Variants in TRPV3 observed in about 807,000 individuals in gnomAD.
TRPV3 encodes the protein VRL-3.
In TRPV3, 88 loss-of-function variants were observed where a neutral mutation model predicts 87.1. The observed-to-expected ratio is 1.01, with a 90% confidence interval of 0.85 to 1.21. TRPV3 has a LOEUF of 1.21. TRPV3 is among the 50% of genes most tolerant of loss of function. The pLI is 0.00. For missense variants in TRPV3, 1,054 were observed against 1,030.1 expected, an observed-to-expected ratio of 1.02 and a Z score of -0.32; for synonymous variants, 438 against 423.3, an observed-to-expected ratio of 1.03 and a Z score of -0.43.
rs376793 is a variant in TRPV3 at position 3,530,378 on chromosome 17, C to A, written c.1066-175G>T. 213,788 of 560,752 alleles carry A rather than the reference C, an allele frequency of 0.38. 45,115 individuals are homozygous for A. The highest frequency in any genetic ancestry group is 0.44 in the Non-Finnish European group (144,058 of 327,106). The allele number at this position is 560,752 out of a possible 1,614,324, so 34.7% of individuals were successfully genotyped here. On this transcript the variant is annotated intron_variant, in intron 8 of 17. Transcript: ENST00000576742. The surrounding 1 kb of genome is among the most constrained non-coding windows in gnomAD (Gnocchi z 4.0). ...GCCCCGTCTTTATCTGTGGAATGCG[C>A]ACAAAGCTTGCTGTTCCGCCCATCT...
At chr17:3,522,864 G>C (rs2074260936) in intron 13 of TRPV3, among the ~76,000 whole-genome samples, 1 of 151,312 alleles carries the variant, frequency 6.6e-6, no homozygotes, top group Admixed American at 6.6e-5. Context: ...GACTCAACTG[G>C]CTAAGTGGAA....
chr17:3,554,446 C>G (rs2068241278), intron 2 of TRPV3: 1 of 328,302 alleles, frequency 3.0e-6, no homozygotes, highest in African/African-American at 2.1e-5. Context: ...CATCCCTCAC[C>G]TCCCTCAGGA....
intron 11 of TRPV3, among the ~76,000 whole-genome samples, chr17:3,527,407 T>C (rs539118672): frequency 4.6e-5 from 7 of 152,200 alleles, no homozygotes; most frequent in Non-Finnish European, 8.8e-5. Context: ...TGAACACTGA[T>C]CTGAACCCAG....
Position 3,513,392 on chromosome 17 carries a change from C to A in TRPV3, c.*525G>T, listed in dbSNP as rs1006579594. The A allele has an allele frequency of 3.3e-5, 5 of 153,402 alleles. No individual in the cohort carries two copies. Among genetic ancestry groups the A allele is most frequent in the African/African-American group, 1.2e-4 (5 of 41,436 alleles). The allele number at this position is 153,402 out of a possible 1,614,324, so 9.5% of individuals were successfully genotyped here. On this transcript the variant is annotated 3_prime_UTR_variant, in exon 18 of 18. Coordinates refer to ENST00000576742, the MANE Select transcript of TRPV3 (RefSeq NM_145068.4). ...GTTTCCAGAGCGCATTCCCCTCCTC[C>A]CCCAGGATATCCAGCTTACCTCCGT...
At chr17:3,542,311 C>A (rs986786993) in intron 6 of TRPV3, among the ~76,000 whole-genome samples, 1 of 152,262 alleles carries the variant, frequency 6.6e-6, no homozygotes, top group African/African-American at 2.4e-5. Flanking sequence ...ATGCCAAAAA[C>A]AATGCCTGGC....
In TRPV3 at chr17:3,530,503, A is replaced by C. The variant is rs928718828; in HGVS notation, c.1066-300T>G. ...TTGAAATGCCTCACGCCAGCTGGGG[A>C]CCCGGTTCGGTGAAAAATCCAGGCA... On this transcript the variant is annotated intron_variant, in intron 8 of 17. Coordinates refer to ENST00000576742, the MANE Select transcript of TRPV3 (RefSeq NM_145068.4). The surrounding 1 kb of genome is among the most constrained non-coding windows in gnomAD (Gnocchi z 4.0). Among the ~76,000 whole-genome samples, 3 of 151,866 alleles carry C rather than the reference A, an allele frequency of 2.0e-5. No homozygotes were observed. Among genetic ancestry groups the C allele is most frequent in the Non-Finnish European group, 4.4e-5 (3 of 67,764 alleles).
In TRPV3 at chr17:3,532,827, T is replaced by C. The variant is rs2074361272; in HGVS notation, c.895A>G (p.Ile299Val). The change falls in exon 8 of 18, where the codon ATC becomes GTC. Residue 299 changes from isoleucine to valine, a missense_variant. Coordinates refer to ENST00000576742, the MANE Select transcript of TRPV3 (RefSeq NM_145068.4). ...GCCACGGTCACCAGGGCGTGAAGGA[T>C]GTTGTTGCCTCGTGAGTCCCGCGAG... ...ITSRDSRGNN[I>V]LHALVTVAED... 6.2e-7 allele frequency: 1 copy of C among 1,614,212 alleles called. No individual in the cohort carries two copies. Among genetic ancestry groups the C allele is most frequent in the Non-Finnish European group, 8.5e-7 (1 of 1,180,024 alleles).
chr17:3,544,135 A>G (rs2074496706), intron 4 of TRPV3, among the ~76,000 whole-genome samples: 1 of 150,608 alleles, frequency 6.6e-6, no homozygotes. Flanking sequence ...CAGCCTCCTC[A>G]GTAGCTGGGA....
chr17:3,536,247 A>C (rs1291654892), intron 6 of TRPV3, among the ~76,000 whole-genome samples: 1 of 147,502 alleles, frequency 6.8e-6, no homozygotes, highest in Non-Finnish European at 1.5e-5. Context: ...GGCTCGGTGC[A>C]TGGGTGTTTT....
intron 13 of TRPV3, among the ~76,000 whole-genome samples, chr17:3,522,320 G>A (rs556114023): frequency 3.9e-5 from 6 of 152,192 alleles, no homozygotes; most frequent in African/African-American, 7.2e-5. Context: ...ACAGTAGTCC[G>A]CCCTTCTCTT....
intron 9 of TRPV3, 74 bp from the exon 10 acceptor site, chr17:3,529,069 G>A: frequency 1.3e-6 from 2 of 1,551,420 alleles, no homozygotes; most frequent in East Asian, 2.2e-5. Flanking sequence ...AGGCCTGCGG[G>A]AGCTCTGAGT....
rs774370934 is a variant in TRPV3 at position 3,530,086 on chromosome 17, C to A, written c.1183G>T (p.Val395Leu). 1 of 1,613,952 alleles carries A rather than the reference C, an allele frequency of 6.2e-7. No homozygotes were observed. Among genetic ancestry groups the A allele is most frequent in the African/African-American group, 1.3e-5 (1 of 74,926 alleles). The part of the protein sequence containing the change: ...VSSSLYDLTN[V>L]DTTTDNSVLE... ...ACTGAGTTGTCCGTGGTGGTGTCCA[C>A]GTTGGTGAGGTCGTAGAGGGAGGAT... is the stretch of plus-strand genomic sequence containing the variant. Residue 395 changes from valine to leucine, a missense_variant, in exon 9 of 18, where the codon GTG (valine) becomes TTG (leucine). Val to Leu is a conservative substitution (Grantham distance 32, BLOSUM62 1). Transcript: ENST00000576742. The surrounding 1 kb of genome is among the most constrained non-coding windows in gnomAD (Gnocchi z 4.0).
At chr17:3,551,121 A>G (rs1428511642) in intron 2 of TRPV3, among the ~76,000 whole-genome samples, 2 of 152,200 alleles carry the variant, frequency 1.3e-5, no homozygotes, top group African/African-American at 2.4e-5. Flanking sequence ...CTGGTTTGGG[A>G]AAAGCCCCGA....
intron 2 of TRPV3, among the ~76,000 whole-genome samples, chr17:3,546,451 A>G (rs575855443): frequency 1.3e-5 from 2 of 152,110 alleles, no homozygotes; most frequent in East Asian, 1.9e-4. Context: ...CAAAAAACAA[A>G]CAAACCAACA....
intron 6 of TRPV3, among the ~76,000 whole-genome samples, chr17:3,537,956 T>G (rs1464403138): frequency 6.7e-6 from 1 of 148,642 alleles, no homozygotes; most frequent in Non-Finnish European, 1.5e-5. Context: ...CCCAGCACTT[T>G]GGGAGGCTGA....
In TRPV3 at chr17:3,523,518, A is replaced by C. The variant is rs952163991; in HGVS notation, c.1743+680T>G. 1.1e-4 allele frequency among the ~76,000 whole-genome samples: 16 copies of C among 152,278 alleles called. 1 individual carries two copies. The highest frequency in any genetic ancestry group is 3.9e-4 in the Admixed American group (6 of 15,282). On this transcript the variant is annotated intron_variant, in intron 13 of 17. Coordinates refer to ENST00000576742, the MANE Select transcript of TRPV3 (RefSeq NM_145068.4). ...TGGATCACCTGAGGTCAGGAGTTCAAGACAATCCTGGCCAACATGCTGAAA... is the reference window on the plus strand; with the variant it reads ...TGGATCACCTGAGGTCAGGAGTTCACGACAATCCTGGCCAACATGCTGAAA...
intron 16 of TRPV3, among the ~76,000 whole-genome samples, chr17:3,514,937 A>C (rs1310357454): frequency 6.6e-6 from 1 of 152,182 alleles, no homozygotes; most frequent in Non-Finnish European, 1.5e-5. Flanking sequence ...AGACAGGTGT[A>C]AAGGGTCCAA....
Position 3,532,787 on chromosome 17 carries a change from G to A in TRPV3, c.935C>T (p.Thr312Met), listed in dbSNP as rs756747794. 1.8e-5 allele frequency: 29 copies of A among 1,614,114 alleles called. No individual in the cohort carries two copies. Among genetic ancestry groups the A allele is most frequent in the Admixed American group, 6.7e-5 (4 of 60,010 alleles). ...CATGCGCTTCACAAAGTCATTCTGC[G>A]TCTTGAAGTCCTCGGCCACGGTCAC... ...ALVTVAEDFK[T>M]QNDFVKRMYD... is the part of the protein sequence containing the mutation. Residue 312 changes from threonine to methionine, a missense_variant, in exon 8 of 18, where the codon ACG (threonine) becomes ATG (methionine). Transcript: ENST00000576742.
chr17:3,514,809 C>T (rs1201363623), intron 16 of TRPV3, 137 bp from the exon 17 acceptor site: 9 of 610,730 alleles, frequency 1.5e-5, no homozygotes, highest in African/African-American at 5.1e-5. Flanking sequence ...ACCCCTGACC[C>T]GAGGGGTCAC....
Sources: allele counts gnomAD v4.1 joint callset (sites outside exome capture counted in the v4.1 genomes callset), GRCh38; gene constraint gnomAD v4.1.1; non-coding constraint Gnocchi (gnomAD v3.1); transcripts MANE v1.5; gene names NCBI Gene and HGNC (gene_info 2026-07-23, HGNC 2026-07-21).